The following LOC128125817 variants were observed in gnomAD, a reference collection of about 807,000 sequenced individuals.
chr1:41,597,882 A>T, the LOC128125817 span, among the ~76,000 whole-genome samples: 1 of 152,288 alleles, frequency 6.6e-6, no homozygotes, highest in East Asian at 1.9e-4. Context: ...TCACCTACAC[A>T]CATCTACAAA....
chr1:41,618,057 G>A, the LOC128125817 span, among the ~76,000 whole-genome samples: 30 of 152,294 alleles, frequency 2.0e-4, no homozygotes, highest in African/African-American at 3.9e-4. Flanking sequence ...CTAGAAAGGC[G>A]TAGTGTAAAT....
chr1:41,622,469 T>A, the LOC128125817 span, among the ~76,000 whole-genome samples: 1 of 152,150 alleles, frequency 6.6e-6, no homozygotes, highest in Non-Finnish European at 1.5e-5. Context: ...ATTCATCCTG[T>A]AGGTCAAGGG....
the LOC128125817 span, among the ~76,000 whole-genome samples, chr1:41,592,798 T>C: frequency 1.3e-5 from 2 of 152,216 alleles, no homozygotes; most frequent in African/African-American, 4.8e-5. Flanking sequence ...CAGGTCAGGG[T>C]ATCCCACAGC....
At chr1:41,615,498 G>T in the LOC128125817 span, among the ~76,000 whole-genome samples, 1 of 152,256 alleles carries the variant, frequency 6.6e-6, no homozygotes, top group African/African-American at 2.4e-5. Context: ...CCAAGGAAGA[G>T]AAGGGATTCG....
At chr1:41,599,760 C>T in the LOC128125817 span, among the ~76,000 whole-genome samples, 1 of 151,960 alleles carries the variant, frequency 6.6e-6, no homozygotes, top group African/African-American at 2.4e-5. Flanking sequence ...ATCTTCTATG[C>T]GTGAAAGGAC....
At chr1:41,627,592 G>A in the LOC128125817 span, among the ~76,000 whole-genome samples, 2 of 152,166 alleles carry the variant, frequency 1.3e-5, no homozygotes, top group East Asian at 1.9e-4. Flanking sequence ...CAGCAACAGC[G>A]ATGCCATCTC....
At chr1:41,590,248 G>A in the LOC128125817 span, among the ~76,000 whole-genome samples, 8 of 152,222 alleles carry the variant, frequency 5.3e-5, no homozygotes, top group African/African-American at 1.2e-4. Context: ...AGGTCAAGGC[G>A]GAGCTCTGGC....
chr1:41,598,434 A>G, the LOC128125817 span, among the ~76,000 whole-genome samples: 8 of 152,262 alleles, frequency 5.3e-5, no homozygotes, highest in Non-Finnish European at 1.2e-4. Flanking sequence ...CTATAAGATG[A>G]ACCACAGAAG....
the LOC128125817 span, among the ~76,000 whole-genome samples, chr1:41,616,439 GCA>G: frequency 9.9e-5 from 15 of 152,254 alleles, no homozygotes; most frequent in African/African-American, 3.6e-4. Context: ...TAAGAGGGAC[GCA>G]CAGAGTCTCA....
At chr1:41,608,547 T>C in the LOC128125817 span, among the ~76,000 whole-genome samples, 1 of 152,238 alleles carries the variant, frequency 6.6e-6, no homozygotes, top group Non-Finnish European at 1.5e-5. Flanking sequence ...AGAACACTGC[T>C]AACCCATTCC....
the LOC128125817 span, among the ~76,000 whole-genome samples, chr1:41,586,582 C>T: frequency 6.6e-6 from 1 of 151,274 alleles, no homozygotes. Context: ...CTCAGGCTCC[C>T]CTCATGCTCA....
chr1:41,593,727 C>A, the LOC128125817 span, among the ~76,000 whole-genome samples: 1 of 152,242 alleles, frequency 6.6e-6, no homozygotes, highest in Non-Finnish European at 1.5e-5. Context: ...GTATTTGGTT[C>A]CCATTGCTGC....
chr1:41,615,335 C>T, the LOC128125817 span, among the ~76,000 whole-genome samples: 5 of 152,210 alleles, frequency 3.3e-5, no homozygotes, highest in East Asian at 1.9e-4. Context: ...GAAATCGGCC[C>T]GTCCCTCACC....
At chr1:41,599,460 T>C in the LOC128125817 span, among the ~76,000 whole-genome samples, 1 of 152,142 alleles carries the variant, frequency 6.6e-6, no homozygotes, top group Non-Finnish European at 1.5e-5. Context: ...AAGACTCTAA[T>C]AATAGAGTAG....
At chr1:41,598,142 G>T in the LOC128125817 span, among the ~76,000 whole-genome samples, 2 of 152,332 alleles carry the variant, frequency 1.3e-5, no homozygotes, top group Middle Eastern at 3.4e-3. Context: ...TGAAATGAGA[G>T]TTGCGCAGGC....
the LOC128125817 span, among the ~76,000 whole-genome samples, chr1:41,615,815 C>CT: frequency 0.041 from 1,924 of 47,076 alleles, 350 homozygotes; most frequent in East Asian, 0.17. Context: ...TTTGACAAGT[C>CT]TTTTTTTTTT....
chr1:41,588,738 G>A, the LOC128125817 span, among the ~76,000 whole-genome samples: 1 of 152,172 alleles, frequency 6.6e-6, no homozygotes, highest in South Asian at 2.1e-4. Flanking sequence ...GAGTGAGCGA[G>A]GCCTGTGAGC....
At chr1:41,599,408 G>A in the LOC128125817 span, among the ~76,000 whole-genome samples, 4 of 152,122 alleles carry the variant, frequency 2.6e-5, no homozygotes, top group East Asian at 5.8e-4. Context: ...AAGGAGAGAA[G>A]CTAAATTGTG....
At chr1:41,609,741 C>T in the LOC128125817 span, among the ~76,000 whole-genome samples, 3 of 152,222 alleles carry the variant, frequency 2.0e-5, no homozygotes, top group Admixed American at 6.5e-5. Flanking sequence ...GAACACACGC[C>T]GTTCCCAATG....
Sources: allele counts gnomAD v4.1 joint callset (sites outside exome capture counted in the v4.1 genomes callset), GRCh38; gene constraint gnomAD v4.1.1; transcripts MANE v1.5.